FARP1: variants seen among roughly 807,000 people sequenced by gnomAD.
The protein encoded by FARP1 is FERM, ARH/RhoGEF and pleckstrin domain protein 1.
In FARP1, 52 loss-of-function variants were observed where a neutral mutation model predicts 128.8. The ratio of observed to expected loss-of-function variants is 0.40; its 90% confidence interval spans 0.32 to 0.51. The LOEUF (loss-of-function observed/expected upper bound fraction) is 0.51. Among genes scored for constraint, FARP1 ranks in the 20% least tolerant of loss-of-function variants. The pLI is 0.45. For missense variants in FARP1, 1,333 were observed against 1,367.9 expected, an observed-to-expected ratio of 0.97 and a Z score of 0.40; for synonymous variants, 580 against 551.8, an observed-to-expected ratio of 1.05 and a Z score of -0.72.
chr13:98,449,414 A>C lies in FARP1; in HGVS notation c.*1097A>C, dbSNP rs1278000343. 6.6e-6 allele frequency: 1 copy of C among 151,588 alleles called. No individual in the cohort carries two copies. The highest frequency in any genetic ancestry group is 1.5e-5 in the Non-Finnish European group (1 of 67,854). 9.4% of individuals were successfully genotyped at this position (151,588 alleles called of 1,614,324 possible). ...ACGGTTTCCAGTGGCTTTGGCCCCT[A>C]CTCGGGAAACGTCTGCCTGTTCTCG... On this transcript the variant is annotated 3_prime_UTR_variant, in exon 27 of 27. Transcript: ENST00000319562.
At chr13:98,335,743 G>T (rs1163536178) in intron 2 of FARP1, among the ~76,000 whole-genome samples, 1 of 152,194 alleles carries the variant, frequency 6.6e-6, no homozygotes, top group Admixed American at 6.5e-5. Flanking sequence ...CTGCCAAAGG[G>T]CTGTAGGAAA....
intron 3 of FARP1, among the ~76,000 whole-genome samples, chr13:98,349,373 T>C (rs1392246218): frequency 6.6e-6 from 1 of 152,140 alleles, no homozygotes; most frequent in Non-Finnish European, 1.5e-5. Flanking sequence ...CACCACTGTT[T>C]TATTAAAATG....
At chr13:98,336,892 C>T (rs1887767220) in intron 2 of FARP1, among the ~76,000 whole-genome samples, 1 of 152,200 alleles carries the variant, frequency 6.6e-6, no homozygotes, top group Non-Finnish European at 1.5e-5. Flanking sequence ...CATAGTTTCA[C>T]GAATTGCTGG....
rs1888076573 is a variant in FARP1 at position 98,343,977 on chromosome 13, T to A, written c.276+111T>A. On this transcript the variant is annotated intron_variant, in intron 3 of 26. Coordinates refer to ENST00000319562, the MANE Select transcript of FARP1 (RefSeq NM_005766.4). Reference sequence around the variant, plus strand: ...AGTGAGATATTTTCATGCTGTCTGTTTTGTCTGTGAAGTCTTCAAATCTGG... The same window carrying A: ...AGTGAGATATTTTCATGCTGTCTGTATTGTCTGTGAAGTCTTCAAATCTGG... 4 of 760,028 alleles carry A rather than the reference T, an allele frequency of 5.3e-6. No homozygotes were observed. The South Asian group carries it at 6.0e-5, about 11-fold the overall frequency. 47.1% of individuals were successfully genotyped at this position (760,028 alleles called of 1,614,324 possible).
At chr13:98,224,726 T>C (rs1881655505) in intron 2 of FARP1, among the ~76,000 whole-genome samples, 1 of 151,986 alleles carries the variant, frequency 6.6e-6, no homozygotes, top group African/African-American at 2.4e-5. Context: ...TTTGTGGAGC[T>C]GGGCCTGCAG....
At chr13:98,382,073 A>T (rs1889906196) in intron 6 of FARP1, among the ~76,000 whole-genome samples, 1 of 152,058 alleles carries the variant, frequency 6.6e-6, no homozygotes, top group Admixed American at 6.5e-5. Flanking sequence ...AAATAAAAAA[A>T]AAAAATAGCC....
intron 2 of FARP1, among the ~76,000 whole-genome samples, chr13:98,327,559 A>G (rs1887290273): frequency 6.6e-6 from 1 of 152,232 alleles, no homozygotes; most frequent in African/African-American, 2.4e-5. Context: ...CCAGATTTTA[A>G]AACAATCACA....
At chr13:98,253,300 C>T (rs1447771166) in intron 2 of FARP1, among the ~76,000 whole-genome samples, 1 of 152,218 alleles carries the variant, frequency 6.6e-6, no homozygotes. Flanking sequence ...CAGAAGATGA[C>T]GCCAGTGATT....
chr13:98,226,469 A>G lies in FARP1; in HGVS notation c.171+13056A>G, dbSNP rs887631602. On this transcript the variant is annotated intron_variant, in intron 2 of 26. Coordinates refer to ENST00000319562, the MANE Select transcript of FARP1 (RefSeq NM_005766.4). ...ATACTCACAGGTACCAGGGATTAGG[A>G]CTTCATCTTTTTTTTTTTTTGTGGA... 6.5e-4 allele frequency among the ~76,000 whole-genome samples: 95 copies of G among 145,496 alleles called. 1 individual carries two copies. Among genetic ancestry groups the G allele is most frequent in the Non-Finnish European group, 1.1e-3 (73 of 66,620 alleles).
intron 25 of FARP1, 88 bp from the exon 26 acceptor site, chr13:98,446,578 C>A: frequency 7.0e-7 from 1 of 1,428,072 alleles, no homozygotes; most frequent in Non-Finnish European, 9.7e-7. Context: ...CCTGGGCTCC[C>A]AAGTCCCTGT....
chr13:98,408,783 C>T (rs529068359), intron 13 of FARP1, among the ~76,000 whole-genome samples: 2 of 152,304 alleles, frequency 1.3e-5, no homozygotes, highest in Admixed American at 1.3e-4. Context: ...GTTTCTGTCC[C>T]AAACAGTGAG....
chr13:98,394,594 G>C (rs969522569), intron 12 of FARP1, among the ~76,000 whole-genome samples: 12 of 152,190 alleles, frequency 7.9e-5, no homozygotes, highest in Non-Finnish European at 1.5e-4. Flanking sequence ...TTGGCCCCAG[G>C]AGTTCAAAGC....
At chr13:98,252,791 A>G (rs151330883) in intron 2 of FARP1, among the ~76,000 whole-genome samples, 98 of 152,328 alleles carry the variant, frequency 6.4e-4, no homozygotes, top group Middle Eastern at 3.4e-3. Flanking sequence ...AAGATTATCT[A>G]TTATCCTGCT....
chr13:98,437,261 T>C (rs988582402), intron 19 of FARP1, among the ~76,000 whole-genome samples: 3 of 152,162 alleles, frequency 2.0e-5, no homozygotes, highest in African/African-American at 7.2e-5. Flanking sequence ...TCTTAATCAT[T>C]TGCCCCTCAG....
At chr13:98,241,606 G>A (rs972399006) in intron 2 of FARP1, among the ~76,000 whole-genome samples, 2 of 152,042 alleles carry the variant, frequency 1.3e-5, no homozygotes, top group African/African-American at 4.8e-5. Context: ...ATAGTGAGAT[G>A]TCGTCTCTAC....
At chr13:98,329,536 C>T (rs1887396262) in intron 2 of FARP1, 1 of 152,140 alleles carries the variant, frequency 6.6e-6, no homozygotes. Flanking sequence ...CTGGCGTGCA[C>T]CTGTAATCCC....
At chr13:98,231,108 GATT>G (rs1270628348) in intron 2 of FARP1, among the ~76,000 whole-genome samples, 2 of 152,142 alleles carry the variant, frequency 1.3e-5, no homozygotes, top group African/African-American at 4.8e-5. Context: ...GATACATGGG[GATT>G]ATTACAGTTC....
intron 1 of FARP1, among the ~76,000 whole-genome samples, chr13:98,162,088 CTTTCT>C (rs533641837): frequency 1.2e-4 from 19 of 152,286 alleles, no homozygotes; most frequent in Admixed American, 2.0e-4. Flanking sequence ...CTTCCTGTCT[CTTTCT>C]TTTATCATTT....
intron 2 of FARP1, among the ~76,000 whole-genome samples, chr13:98,279,615 T>C (rs1884835651): frequency 1.3e-5 from 2 of 152,170 alleles, no homozygotes; most frequent in Non-Finnish European, 1.5e-5. Context: ...CCCGCCCCAG[T>C]GGGCAGAGCA....
Sources: gnomAD v4.1 joint callset for allele counts (sites outside exome capture counted in the v4.1 genomes callset) on GRCh38, gnomAD v4.1.1 for gene constraint, MANE v1.5 for transcripts, NCBI Gene and HGNC (gene_info 2026-07-23, HGNC 2026-07-21) for gene names.